Variants in IL22RA2 observed in about 807,000 individuals in gnomAD.
IL22RA2 encodes the protein interleukin-22 receptor subunit alpha-2.
IL22RA2 carries 39 observed loss-of-function variants against 30.7 expected under a neutral mutation model. The ratio of observed to expected loss-of-function variants is 1.27; its 90% confidence interval spans 0.98 to 1.66. The LOEUF (loss-of-function observed/expected upper bound fraction) is 1.66, where lower values mean the gene tolerates loss of function less well. IL22RA2 is among the 40% of genes most tolerant of loss of function. The probability of loss-of-function intolerance (pLI) is 0.00; values close to 1 mark genes in which losing one functional copy is unlikely to be tolerated. For missense variants in IL22RA2, 315 were observed against 312.7 expected (o/e 1.01, Z -0.05); for synonymous variants, 103 against 105.0 (o/e 0.98, Z 0.11).
Position 137,145,737 on chromosome 6 carries a change from C to A in IL22RA2, c.679G>T (p.Glu227Ter). Residue 227 changes from glutamate to a stop codon, truncating the protein, a stop_gained, in exon 7 of 7, where the codon GAA (glutamate) becomes TAA (stop). Coordinates refer to ENST00000296980, the MANE Select transcript of IL22RA2 (RefSeq NM_052962.3). LOFTEE classifies it low-confidence loss of function (END_TRUNC). ...KVYEGAHRAV[E>*]IEALTPHSSY... ...GAGTGTGGTGTTAGAGCTTCAATTT[C>A]AACCGCTCTGTGAGCCCCTTCATAA... 1 of 1,614,010 alleles carries A rather than the reference C, an allele frequency of 6.2e-7. No individual in the cohort carries two copies. The highest frequency in any genetic ancestry group is 8.5e-7 in the Non-Finnish European group (1 of 1,179,944).
chr6:137,158,551 C>T (rs1778458030), intron 2 of IL22RA2, 69 bp from the exon 3 acceptor site: 1 of 1,515,362 alleles, frequency 6.6e-7, no homozygotes, highest in East Asian at 2.3e-5. Flanking sequence ...CAGTAGTTTT[C>T]AGTGGAATAC....
In IL22RA2 at chr6:137,145,052, A is replaced by G. The variant is rs1582874841; in HGVS notation, c.*572T>C. ...CTTATTTACATAAAGTAGACTTTAAAACAAAATTTTGATTCATTAAGTAGA... is the reference window on the plus strand; with the variant it reads ...CTTATTTACATAAAGTAGACTTTAAGACAAAATTTTGATTCATTAAGTAGA... On this transcript the variant is annotated 3_prime_UTR_variant, in exon 7 of 7. Transcript: ENST00000296980. 1 of 151,588 alleles carries G rather than the reference A, an allele frequency of 6.6e-6. No homozygotes were observed. The highest frequency in any genetic ancestry group is 1.5e-5 in the Non-Finnish European group (1 of 67,876). 9.4% of individuals were successfully genotyped at this position (151,588 alleles called of 1,614,324 possible).
chr6:137,162,245 C>T (rs575873624), intron 1 of IL22RA2, among the ~76,000 whole-genome samples: 17 of 152,296 alleles, frequency 1.1e-4, no homozygotes, highest in Non-Finnish European at 2.4e-4. Flanking sequence ...GGCAGTGGTT[C>T]AAAGCAAGAG....
chr6:137,151,383 T>C (rs1287037299), intron 5 of IL22RA2, among the ~76,000 whole-genome samples: 2 of 152,186 alleles, frequency 1.3e-5, no homozygotes, highest in South Asian at 2.1e-4. Flanking sequence ...ATTGGACCCT[T>C]ACCTCACACC....
At chr6:137,152,973 G>A (rs1256220493) in intron 5 of IL22RA2, among the ~76,000 whole-genome samples, 3 of 152,120 alleles carry the variant, frequency 2.0e-5, no homozygotes, top group Non-Finnish European at 2.9e-5. Flanking sequence ...TCTCGTTGCA[G>A]GTAGGTTTAT....
chr6:137,149,938 C>T (rs1778256272), intron 5 of IL22RA2, among the ~76,000 whole-genome samples: 1 of 152,204 alleles, frequency 6.6e-6, no homozygotes, highest in Admixed American at 6.5e-5. Flanking sequence ...CTCGGCCTCC[C>T]AAAGTGCTGG....
At chr6:137,158,198 G>A in intron 3 of IL22RA2, 149 bp downstream of exon 3, 4 of 871,266 alleles carry the variant, frequency 4.6e-6, no homozygotes, top group Non-Finnish European at 7.1e-6. Context: ...GCAGCCTTCA[G>A]GGGAGACAAG....
chr6:137,152,977 G>A (rs752962510), intron 5 of IL22RA2, among the ~76,000 whole-genome samples: 2 of 152,066 alleles, frequency 1.3e-5, no homozygotes, highest in African/African-American at 4.8e-5. Flanking sequence ...GTTGCAGGTA[G>A]GTTTATTTTT....
At chr6:137,158,228 G>A in intron 3 of IL22RA2, 119 bp downstream of exon 3, 1 of 1,187,036 alleles carries the variant, frequency 8.4e-7, no homozygotes, top group Non-Finnish European at 1.2e-6. Flanking sequence ...TCCTGACCTT[G>A]GCTTCTTCTC....
intron 5 of IL22RA2, among the ~76,000 whole-genome samples, chr6:137,154,569 C>T (rs1371515690): frequency 3.3e-5 from 5 of 152,022 alleles, no homozygotes; most frequent in Admixed American, 6.6e-5. Flanking sequence ...GAGCCAAGAT[C>T]GTGCCACTGC....
At chr6:137,161,463 C>T (rs926479596) in intron 2 of IL22RA2, among the ~76,000 whole-genome samples, 2 of 152,156 alleles carry the variant, frequency 1.3e-5, no homozygotes, top group Non-Finnish European at 2.9e-5. Flanking sequence ...TATGAAGTCT[C>T]TGCACCCTCT....
intron 5 of IL22RA2, 87 bp from the exon 6 acceptor site, chr6:137,147,978 T>G (rs894762741): frequency 8.3e-5 from 104 of 1,257,586 alleles, no homozygotes; most frequent in Admixed American, 2.3e-4. Context: ...ATCAGCATGG[T>G]GGGAGGATCA....
At position 137,155,114 on chromosome 6, in the gene IL22RA2, C is replaced by T. The variant is rs913537053; in HGVS notation, c.299G>A (p.Gly100Glu). ...TTCTTTATTTTTCCATTGTCTCTGT[C>T]CATATCTGTAGCAGGGAAAAGGCAA... ...FPGCRTLAKY[G>E]QRQWKNKEDC... The change falls in exon 5 of 7, where the codon GGA becomes GAA. Residue 100 changes from glycine to glutamate, a missense_variant. Physicochemically the swap from Gly to Glu is moderately conservative, Grantham distance 98. Transcript: ENST00000296980. The T allele has an allele frequency of 1.3e-5, 21 of 1,558,038 alleles. No homozygotes were observed. The highest frequency in any genetic ancestry group is 5.9e-5 in the Admixed American group (3 of 50,780).
Position 137,167,678 on chromosome 6 carries a change from T to G in IL22RA2, c.-66+5735A>C, listed in dbSNP as rs559939717. Among the ~76,000 whole-genome samples, 5 of 152,268 alleles carry G rather than the reference T, an allele frequency of 3.3e-5. No individual in the cohort carries two copies. In the South Asian group the frequency reaches 1.0e-3, roughly 32 times the overall value. Reference sequence around the variant, plus strand: ...CAGGTATCATACCTTGGGTTCATCATAGCCGGCTGAAACCAGAAGCAGCCA... The same window carrying G: ...CAGGTATCATACCTTGGGTTCATCAGAGCCGGCTGAAACCAGAAGCAGCCA... On this transcript the variant is annotated intron_variant, in intron 1 of 6. Transcript: ENST00000296980.
intron 5 of IL22RA2, among the ~76,000 whole-genome samples, chr6:137,154,277 T>C (rs948015509): frequency 6.6e-6 from 1 of 152,150 alleles, no homozygotes; most frequent in Non-Finnish European, 1.5e-5. Context: ...ACCCTCGTGT[T>C]TGGGGAAGGA....
intron 1 of IL22RA2, among the ~76,000 whole-genome samples, chr6:137,169,409 C>A (rs13193435): frequency 0.2 from 30,925 of 152,046 alleles, 3,585 homozygotes; most frequent in East Asian, 0.41. Flanking sequence ...CAATTACTAA[C>A]CGATAAATGG....
chr6:137,158,205 C>A, intron 3 of IL22RA2, 142 bp downstream of exon 3: 1 of 933,246 alleles, frequency 1.1e-6, no homozygotes, highest in Non-Finnish European at 1.6e-6. Context: ...TCAGGGGAGA[C>A]AAGTCACTGT....
chr6:137,171,863 C>G (rs1778741414), intron 1 of IL22RA2, among the ~76,000 whole-genome samples: 1 of 152,192 alleles, frequency 6.6e-6, no homozygotes, highest in Non-Finnish European at 1.5e-5. Context: ...ATCAGGTTTC[C>G]CAGTGCCTCT....
rs983601481 is a variant in IL22RA2, at chr6:137,147,780, A to G, written c.584T>C (p.Ile195Thr). ...GTATAGTAGTTCATAGTAATCTTCT[A>G]TAGATACATTTTTTTCCTTTTGGTA... The part of the protein sequence containing the change: ...YRYQKEKNVS[I>T]EDYYELLYRV... The change falls in exon 6 of 7, where the codon ATA becomes ACA. Residue 195 changes from isoleucine to threonine, a missense_variant. Transcript: ENST00000296980. 6.2e-6 allele frequency: 10 copies of G among 1,607,202 alleles called. No individual in the cohort carries two copies. The African/African-American group carries it at 1.3e-4, about 21-fold the overall frequency.
Sources: gnomAD v4.1 joint callset for allele counts (sites outside exome capture counted in the v4.1 genomes callset) on GRCh38, gnomAD v4.1.1 for gene constraint, MANE v1.5 for transcripts, NCBI Gene and HGNC (gene_info 2026-07-23, HGNC 2026-07-21) for gene names.